The following NDUFB5 variants were observed in gnomAD, a reference collection of about 807,000 sequenced individuals.
The protein encoded by NDUFB5 is NADH dehydrogenase [ubiquinone] 1 beta subcomplex subunit 5, mitochondrial.
Under a neutral mutation model 19.4 loss-of-function variants are expected in NDUFB5, and 19 were observed. That is an observed-to-expected ratio of 0.98 (90% CI 0.68 to 1.43). The LOEUF is 1.43. Ranked by LOEUF, NDUFB5 falls within the 40% of genes most tolerant of loss-of-function variation. The pLI, the probability that NDUFB5 is intolerant of heterozygous loss-of-function variation, is 0.00. For missense variants in NDUFB5, 233 were observed against 236.5 expected (o/e 0.99, Z 0.10); for synonymous variants, 80 against 82.6 (o/e 0.97, Z 0.17).
In NDUFB5 at chr3:179,606,803, C is replaced by T. The variant is rs562723260; in HGVS notation, c.124+1864C>T. On this transcript the variant is annotated intron_variant, in intron 1 of 5. Transcript: ENST00000259037. ...TCAAAATATCTTGTTCTCTTTTTAC[C>T]CCTATTCTCCCAGTTTAATTTGAAT... 3.9e-5 allele frequency among the ~76,000 whole-genome samples: 6 copies of T among 152,152 alleles called. No homozygotes were observed. In the South Asian group the frequency reaches 8.3e-4, roughly 21 times the overall value.
At chr3:179,621,960 T>C (rs1439588927) in intron 5 of NDUFB5, among the ~76,000 whole-genome samples, 1 of 152,174 alleles carries the variant, frequency 6.6e-6, no homozygotes, top group Non-Finnish European at 1.5e-5. Context: ...TTTTTAATAT[T>C]CACCATGTCT....
intron 3 of NDUFB5, among the ~76,000 whole-genome samples, chr3:179,616,369 C>G (rs1423661447): frequency 6.6e-6 from 1 of 152,016 alleles, no homozygotes; most frequent in Non-Finnish European, 1.5e-5. Context: ...AGTGAAACCC[C>G]GTCTCTACTA....
At chr3:179,617,892 C>G (rs1234081321) in intron 4 of NDUFB5, among the ~76,000 whole-genome samples, 1 of 152,132 alleles carries the variant, frequency 6.6e-6, no homozygotes, top group Non-Finnish European at 1.5e-5. Flanking sequence ...TACCAAAATC[C>G]AAAATTAATT....
At position 179,622,619 on chromosome 3, in the gene NDUFB5, T is replaced by G. The variant is rs189080935; in HGVS notation, c.450-1301T>G. Among the ~76,000 whole-genome samples the G allele has an allele frequency of 9.8e-5, 15 of 152,308 alleles. No individual in the cohort carries two copies. In the East Asian group the frequency reaches 2.3e-3, roughly 24 times the overall value. On this transcript the variant is annotated intron_variant, in intron 5 of 5. Transcript: ENST00000259037. Reference sequence around the variant, plus strand: ...TGTGGATGAATCATAATTTAACCAGTTAGTCTCATGTTGATAAATATTTTA... The same window carrying G: ...TGTGGATGAATCATAATTTAACCAGGTAGTCTCATGTTGATAAATATTTTA...
chr3:179,615,424 A>T (rs2108398138), intron 2 of NDUFB5: 1 of 261,864 alleles, frequency 3.8e-6, no homozygotes, highest in Middle Eastern at 5.5e-4. Context: ...ATTTTGGGAT[A>T]TGATTTTATA....
intron 5 of NDUFB5, 96 bp from the exon 6 acceptor site, chr3:179,623,824 A>T: frequency 6.8e-7 from 1 of 1,480,840 alleles, no homozygotes. Flanking sequence ...ACTTTACATA[A>T]AAGCAGACTC....
Position 179,622,831 on chromosome 3 carries a change from G to A in NDUFB5, c.450-1089G>A, listed in dbSNP as rs142873150. On this transcript the variant is annotated intron_variant, in intron 5 of 5. Transcript: ENST00000259037. ...AATTTTTAGTCCTATGAAAAACTATGTATTCTATAAAAACAGAAAGTAAAA... is the reference window on the plus strand; with the variant it reads ...AATTTTTAGTCCTATGAAAAACTATATATTCTATAAAAACAGAAAGTAAAA... 3.6e-3 allele frequency among the ~76,000 whole-genome samples: 546 copies of A among 152,276 alleles called. 4 individuals are homozygous for A. The highest frequency in any genetic ancestry group is 0.013 in the African/African-American group (520 of 41,564).
intron 1 of NDUFB5, among the ~76,000 whole-genome samples, chr3:179,612,023 C>T (rs1422583037): frequency 1.3e-5 from 2 of 151,536 alleles, no homozygotes; most frequent in Non-Finnish European, 2.9e-5. Context: ...CTATGTTGCT[C>T]AGGCTGACCT....
intron 1 of NDUFB5, among the ~76,000 whole-genome samples, chr3:179,611,606 G>T (rs984646005): frequency 4.0e-5 from 6 of 151,710 alleles, no homozygotes; most frequent in Non-Finnish European, 8.8e-5. Context: ...CACCATGTTG[G>T]CCAGGCTGGT....
intron 1 of NDUFB5, among the ~76,000 whole-genome samples, chr3:179,605,743 G>C (rs2108390151): frequency 6.6e-6 from 1 of 151,706 alleles, no homozygotes; most frequent in Non-Finnish European, 1.5e-5. Flanking sequence ...TTAGACGAAG[G>C]GGCCCTTGAA....
In NDUFB5 at chr3:179,624,169, A is replaced by G; in HGVS notation, c.*129A>G. ...CATTACTGTCTCTCAGTGTTGGTTC[A>G]GATTGAGGCTTTTGTTTGAGGAGTT... On this transcript the variant is annotated 3_prime_UTR_variant, in exon 6 of 6. Transcript: ENST00000259037. 1 of 824,290 alleles carries G rather than the reference A, an allele frequency of 1.2e-6. No homozygotes were observed. Among genetic ancestry groups the G allele is most frequent in the Non-Finnish European group, 1.7e-6 (1 of 571,986 alleles). The allele number at this position is 824,290 out of a possible 1,614,324, so 51.1% of individuals were successfully genotyped here. A position where few individuals can be genotyped will look rare whatever the true frequency, so the allele number is the denominator to read the frequency against.
At chr3:179,620,759 AT>A (rs1173976742) in intron 5 of NDUFB5, among the ~76,000 whole-genome samples, 1 of 152,046 alleles carries the variant, frequency 6.6e-6, no homozygotes, top group Non-Finnish European at 1.5e-5. Context: ...GCTGTGTTTA[AT>A]TTTCCCCCAT....
Position 179,614,980 on chromosome 3 carries a change from G to A in NDUFB5, c.134G>A (p.Arg45Gln), listed in dbSNP as rs768789078. 1.4e-5 allele frequency: 22 copies of A among 1,605,760 alleles called. No homozygotes were observed. The highest frequency in any genetic ancestry group is 5.4e-5 in the African/African-American group (4 of 74,760). ...AATTCAATATTCCCAGCTCCTGTTC[G>A]ACACAGTGGAGACCATGGGAAAAGA... The part of the protein sequence containing the change: ...RGFPKAAAPV[R>Q]HSGDHGKRLF... Residue 45 changes from arginine (R) to glutamine (Q), a missense_variant, in exon 2 of 6, where the codon CGA (arginine) becomes CAA (glutamine). Coordinates refer to ENST00000259037, the MANE Select transcript of NDUFB5 (RefSeq NM_002492.4).
chr3:179,615,842 A>G, intron 2 of NDUFB5, 141 bp from the exon 3 acceptor site: 1 of 680,410 alleles, frequency 1.5e-6, no homozygotes, highest in Non-Finnish European at 2.6e-6. Flanking sequence ...GTAAAATCAC[A>G]GAAATCAATA....
At chr3:179,612,531 A>G (rs1037165559) in intron 1 of NDUFB5, among the ~76,000 whole-genome samples, 1 of 139,952 alleles carries the variant, frequency 7.1e-6, no homozygotes. Flanking sequence ...GTTGGAGTGC[A>G]GTGGCGCGAT....
At chr3:179,616,084 A>T (rs756261583) in intron 3 of NDUFB5, 35 bp downstream of exon 3, 1 of 1,533,394 alleles carries the variant, frequency 6.5e-7, no homozygotes, top group Non-Finnish European at 8.9e-7. Context: ...GCACCACCAG[A>T]TTGGAAAAAT....
At chr3:179,623,030 C>T (rs1395523024) in intron 5 of NDUFB5, among the ~76,000 whole-genome samples, 2 of 152,152 alleles carry the variant, frequency 1.3e-5, no homozygotes, top group Admixed American at 6.5e-5. Flanking sequence ...CTTGATTTTT[C>T]TTGCTTTCTA....
At chr3:179,605,674 C>T (rs932742854) in intron 1 of NDUFB5, among the ~76,000 whole-genome samples, 2 of 152,052 alleles carry the variant, frequency 1.3e-5, no homozygotes, top group Non-Finnish European at 2.9e-5. Context: ...GATAACGAAT[C>T]CAGCCTGTAT....
Position 179,604,822 on chromosome 3 carries a change from G to A in NDUFB5, c.7G>A (p.Ala3Thr), listed in dbSNP as rs1209927912. The A allele has an allele frequency of 1.9e-6, 3 of 1,607,910 alleles. No homozygotes were observed. The highest frequency in any genetic ancestry group is 2.5e-6 in the Non-Finnish European group (3 of 1,178,600). Residue 3 changes from alanine (A) to threonine (T), a missense_variant, in exon 1 of 6, where the codon GCC (alanine) becomes ACC (threonine). Ala to Thr is a moderately conservative substitution (Grantham distance 58). Transcript: ENST00000259037. ...CCTCCTGCCCGTAGTAGCCATGGCG[G>A]CCATGAGTTTGTTGCGGCGGGTTTC... is the stretch of plus-strand genomic sequence containing the variant. MA[A>T]MSLLRRVSVT...
Sources: gnomAD v4.1 joint callset for allele counts (sites outside exome capture counted in the v4.1 genomes callset) on GRCh38, gnomAD v4.1.1 for gene constraint, MANE v1.5 for transcripts, NCBI Gene and HGNC (gene_info 2026-07-23, HGNC 2026-07-21) for gene names.